TSPAN16: variants seen among roughly 807,000 people sequenced by gnomAD.
TSPAN16 encodes tetraspanin-16.
A neutral mutation model predicts 25.2 loss-of-function variants in TSPAN16; 23 were observed. The ratio of observed to expected loss-of-function variants is 0.91; its 90% CI spans 0.66 to 1.29. TSPAN16 has a LOEUF of 1.29. Ranked by LOEUF, TSPAN16 falls within the 50% of genes most tolerant of loss-of-function variation. The pLI is 0.00. For synonymous variants in TSPAN16, 123 were observed against 124.4 expected (o/e 0.99, Z 0.08); for missense variants, 272 against 299.9 (o/e 0.91, Z 0.69).
intron 4 of TSPAN16, among the ~76,000 whole-genome samples, chr19:11,304,828 A>T (rs1325979025): frequency 6.6e-6 from 1 of 151,244 alleles, no homozygotes; most frequent in Non-Finnish European, 1.5e-5. Context: ...CCAGCCTAAA[A>T]TTTTTAGTAG....
intron 5 of TSPAN16, 118 bp from the exon 6 acceptor site, chr19:11,312,021 G>C (rs966234500): frequency 9.6e-6 from 7 of 727,932 alleles, no homozygotes; most frequent in Non-Finnish European, 4.7e-6. Flanking sequence ...CTCTCTCCCC[G>C]CTTCTCCTCA....
At chr19:11,325,052 C>A in intron 6 of TSPAN16, 1 of 221,342 alleles carries the variant, frequency 4.5e-6, no homozygotes, top group Non-Finnish European at 9.3e-6. Context: ...TGGTTCTAAG[C>A]TAGAAGGCAC....
chr19:11,325,530 G>A (rs756183735), intron 6 of TSPAN16: 21 of 1,613,558 alleles, frequency 1.3e-5, no homozygotes, highest in East Asian at 2.2e-5. Context: ...CCAGGCGCTC[G>A]AAGACCTGCT....
At chr19:11,322,973 G>A (rs411834) in intron 6 of TSPAN16, 28,073 of 151,904 alleles carry the variant, frequency 0.18, 5,470 homozygotes, top group African/African-American at 0.5. Context: ...TTAGATGGGC[G>A]TGGTGGCAGG....
chr19:11,310,807 T>C (rs1197986868), intron 5 of TSPAN16, among the ~76,000 whole-genome samples: 3 of 152,156 alleles, frequency 2.0e-5, no homozygotes, highest in African/African-American at 7.2e-5. Context: ...ACCACTGCAA[T>C]GTATTTCATG....
chr19:11,325,667 T>C, intron 6 of TSPAN16: 2 of 1,351,306 alleles, frequency 1.5e-6, no homozygotes, highest in Non-Finnish European at 2.0e-6. Context: ...ACCTGGCTTC[T>C]AAGCCTAGTT....
rs2080500529 is a variant in TSPAN16, at chr19:11,298,184, T to C, written c.112T>C (p.Cys38Arg). 6.2e-7 allele frequency: 1 copy of C among 1,614,076 alleles called. No homozygotes were observed. The highest frequency in any genetic ancestry group is 1.3e-5 in the African/African-American group (1 of 74,930). Residue 38 changes from cysteine to arginine, a missense_variant, in exon 2 of 7, where the codon TGT becomes CGT. Cys to Arg is a radical substitution (Grantham distance 180, BLOSUM62 -3). Coordinates refer to ENST00000590327, the MANE Select transcript of TSPAN16 (RefSeq NM_001282509.2). Reference protein sequence around the residue: ...ILVGLGIGGKCGGASLTNVLG... With the variant: ...ILVGLGIGGKRGGASLTNVLG... ...AGTTGGCCTGGGCATTGGTGGTAAA[T>C]GTGGAGGGGCCTCTCTGACGAATGT...
chr19:11,311,175 C>T (rs547274832), intron 5 of TSPAN16, among the ~76,000 whole-genome samples: 24 of 152,222 alleles, frequency 1.6e-4, no homozygotes, highest in African/African-American at 5.5e-4. Flanking sequence ...CTCACTCTGT[C>T]GACAAGCTGG....
At chr19:11,311,350 G>C (rs147080562) in intron 5 of TSPAN16, among the ~76,000 whole-genome samples, 59 of 152,200 alleles carry the variant, frequency 3.9e-4, no homozygotes, top group African/African-American at 1.3e-3. Context: ...TAACCAGTAT[G>C]GTCTTGATCT....
At chr19:11,303,077 C>CG (rs1306838193) in intron 4 of TSPAN16, among the ~76,000 whole-genome samples, 1 of 150,034 alleles carries the variant, frequency 6.7e-6, no homozygotes, top group Non-Finnish European at 1.5e-5. Context: ...TCATTGAGAA[C>CG]GGGCCAGGAT....
intron 6 of TSPAN16, 138 bp from the exon 7 acceptor site, chr19:11,315,653 C>A (rs1334300503): frequency 4.0e-6 from 2 of 494,782 alleles, no homozygotes; most frequent in Non-Finnish European, 6.3e-6. Flanking sequence ...TTAGCCCAGG[C>A]GGTTCTTCAG....
At chr19:11,326,992 C>T (rs907502963) in exon 7 of TSPAN16, 1 of 476,262 alleles carries the variant, frequency 2.1e-6, no homozygotes, top group Non-Finnish European at 3.7e-6. Flanking sequence ...TGCCACATCA[C>T]CAAGGTAAGC....
downstream of TSPAN16, among the ~76,000 whole-genome samples, chr19:11,318,023 TTATTA>T (rs1326096696): frequency 2.0e-5 from 3 of 151,548 alleles, no homozygotes; most frequent in African/African-American, 7.3e-5. Flanking sequence ...TCCTGATCTT[TTATTA>T]TTATTATTAT....
chr19:11,301,632 T>G (rs1289086458), intron 4 of TSPAN16, among the ~76,000 whole-genome samples: 2 of 144,074 alleles, frequency 1.4e-5, no homozygotes, highest in Non-Finnish European at 3.0e-5. Context: ...AGAGGGAGGC[T>G]CTGTTTAAAA....
At position 11,312,196 on chromosome 19, in the gene TSPAN16, A is replaced by G; in HGVS notation, c.661A>G (p.Ser221Gly). 1 of 1,612,384 alleles carries G rather than the reference A, an allele frequency of 6.2e-7. No individual in the cohort carries two copies. The highest frequency in any genetic ancestry group is 8.5e-7 in the Non-Finnish European group (1 of 1,179,516). ...GACTCAGAGCTTCACCCTGAGTGGG[A>G]GCTCTCTGGGAGCTGCAGTGATACA... ...TKTQSFTLSG[S>G]SLGAAVIQLP... The change falls in exon 6 of 7, where the codon AGC becomes GGC. Residue 221 changes from serine (S) to glycine (G), a missense_variant. Transcript: ENST00000590327.
intron 4 of TSPAN16, 54 bp downstream of exon 4, chr19:11,301,362 G>A (rs1007291476): frequency 1.8e-5 from 25 of 1,395,152 alleles, no homozygotes; most frequent in Admixed American, 5.1e-5. Flanking sequence ...CAACATGGGC[G>A]GGCGAAGTGG....
rs2080684042 is a variant in TSPAN16, at chr19:11,310,944, C to A, written c.604-1195C>A. On this transcript the variant is annotated intron_variant, in intron 5 of 6. Transcript: ENST00000590327. ...CCTTGACCTCCTAGGCTCAAATGAT[C>A]CTCCCGTCTCAGCCCCCCAAGTATC... is the stretch of plus-strand genomic sequence containing the variant. Among the ~76,000 whole-genome samples the A allele has an allele frequency of 2.6e-5, 4 of 152,204 alleles. No individual in the cohort carries two copies. In the South Asian group the frequency reaches 8.3e-4, roughly 32 times the overall value.
chr19:11,313,288 C>T (rs1050632575), intron 6 of TSPAN16, among the ~76,000 whole-genome samples: 2 of 151,916 alleles, frequency 1.3e-5, no homozygotes, highest in Non-Finnish European at 2.9e-5. Context: ...CTGAGGCAGG[C>T]GGCTCACGAG....
rs1350939077 is a variant in TSPAN16, at chr19:11,298,963, T to C, written c.342+17T>C. On this transcript the variant is annotated intron_variant, in intron 3 of 6. Coordinates refer to ENST00000590327, the MANE Select transcript of TSPAN16 (RefSeq NM_001282509.2). ...TTTCCAATTGTAAGTACAGCCCTGCTCCTCCCACATAGCATTAGAAAGATA... is the reference window on the plus strand; with the variant it reads ...TTTCCAATTGTAAGTACAGCCCTGCCCCTCCCACATAGCATTAGAAAGATA... 1.2e-6 allele frequency: 2 copies of C among 1,611,188 alleles called. No individual in the cohort carries two copies. The highest frequency in any genetic ancestry group is 1.7e-6 in the Non-Finnish European group (2 of 1,177,654).
Sources: allele counts gnomAD v4.1 joint callset (sites outside exome capture counted in the v4.1 genomes callset), GRCh38; gene constraint gnomAD v4.1.1; transcripts MANE v1.5; gene names NCBI Gene and HGNC (gene_info 2026-07-23, HGNC 2026-07-21).